MAP3K15: variants seen among roughly 807,000 people sequenced by gnomAD.
MAP3K15 encodes MAPK/ERK kinase kinase 15.
A neutral mutation model predicts 99.5 loss-of-function variants in MAP3K15; 124 were observed. That is an observed-to-expected ratio of 1.25 (90% CI 1.08 to 1.45). The LOEUF is 1.45. Ranked by LOEUF, MAP3K15 falls within the 40% of genes most tolerant of loss-of-function variation. The pLI is 0.00. For synonymous variants in MAP3K15, 494 were observed against 439.6 expected (o/e 1.12, Z -1.55); for missense variants, 1,242 against 1,079.7 (o/e 1.15, Z -2.11).
At chrX:19,511,700 A>C (rs1179200659) in intron 1 of MAP3K15, among the ~76,000 whole-genome samples, 1 of 112,227 alleles carries the variant, frequency 8.9e-6, no homozygotes, top group African/African-American at 3.2e-5. Context: ...AGAAATAGGA[A>C]TGCTTTTACA....
intron 1 of MAP3K15, among the ~76,000 whole-genome samples, chrX:19,503,470 G>A (rs1464088295): frequency 8.9e-6 from 1 of 111,939 alleles, no homozygotes; most frequent in African/African-American, 3.2e-5. Flanking sequence ...CTGTTGCTCA[G>A]GCTGGAATGC....
In MAP3K15 at chrX:19,380,695, T is replaced by A. The variant is rs746730328; in HGVS notation, c.2432-418A>T. Among the ~76,000 whole-genome samples the A allele has an allele frequency of 3.6e-5, 4 of 112,082 alleles. No homozygotes were observed. The East Asian group carries it at 1.1e-3, about 32-fold the overall frequency. On this transcript the variant is annotated intron_variant, in intron 18 of 28. Transcript: ENST00000338883. Reference sequence around the variant, plus strand: ...CACACACCACCATGCCCGGCTAATTTTTGTATTTTTAGTAGAGACGAGGTT... The same window carrying A: ...CACACACCACCATGCCCGGCTAATTATTGTATTTTTAGTAGAGACGAGGTT...
chrX:19,434,644 G>A (rs1420777232), intron 6 of MAP3K15, among the ~76,000 whole-genome samples: 6 of 111,379 alleles, frequency 5.4e-5, no homozygotes, highest in East Asian at 2.8e-4. Flanking sequence ...TTTCTCAACC[G>A]GGGTTCCATG....
At chrX:19,415,067 T>C (rs773898566) in intron 10 of MAP3K15, 40 bp downstream of exon 10, 12 of 1,087,366 alleles carry the variant, frequency 1.1e-5, no homozygotes, top group East Asian at 6.5e-5. Flanking sequence ...CCCTAGTTTT[T>C]TTCCTAATCT....
intron 6 of MAP3K15, among the ~76,000 whole-genome samples, chrX:19,436,102 C>G (rs139825016): frequency 9.4e-6 from 1 of 106,317 alleles, no homozygotes; most frequent in African/African-American, 3.5e-5. Flanking sequence ...TGCAGTGAAC[C>G]GAGATCGCAC....
chrX:19,484,716 T>C lies in MAP3K15; in HGVS notation c.525+1766A>G, dbSNP rs527386970. Among the ~76,000 whole-genome samples, 8 of 112,427 alleles carry C rather than the reference T, an allele frequency of 7.1e-5. No homozygotes were observed. In the South Asian group the frequency reaches 3.0e-3, roughly 41 times the overall value. ...TTGCTCCTTGCCTCAACGTAACTCT[T>C]GCTGTTTTAAGGAATCAGCATTTCA... On this transcript the variant is annotated intron_variant, in intron 3 of 28. Coordinates refer to ENST00000338883, the MANE Select transcript of MAP3K15 (RefSeq NM_001001671.4).
At chrX:19,365,377 G>A (rs1173056459) in intron 25 of MAP3K15, among the ~76,000 whole-genome samples, 2 of 112,236 alleles carry the variant, frequency 1.8e-5, no homozygotes, top group Non-Finnish European at 3.8e-5. Flanking sequence ...CAGTCTATCA[G>A]CATTCGATCA....
chrX:19,372,596 G>A (rs1032470165), intron 22 of MAP3K15, 57 bp downstream of exon 22: 81 of 1,120,656 alleles, frequency 7.2e-5, no homozygotes, highest in Middle Eastern at 2.8e-4. Flanking sequence ...CCTGTCTGGG[G>A]ACTGGGACCT....
intron 4 of MAP3K15, among the ~76,000 whole-genome samples, chrX:19,462,777 G>A (rs2064141085): frequency 8.9e-6 from 1 of 111,758 alleles, no homozygotes; most frequent in Admixed American, 9.5e-5. Context: ...CAGAGCTGGC[G>A]CTTGAGCTCA....
intron 1 of MAP3K15, among the ~76,000 whole-genome samples, chrX:19,499,805 A>T (rs182313894): frequency 7.8e-4 from 87 of 111,851 alleles, no homozygotes; most frequent in African/African-American, 2.7e-3. Flanking sequence ...ATTGAGGGAG[A>T]GGGGACATGA....
chrX:19,419,598 T>G (rs1234842436), intron 9 of MAP3K15, among the ~76,000 whole-genome samples: 3 of 111,112 alleles, frequency 2.7e-5, no homozygotes, highest in Non-Finnish European at 5.7e-5. Flanking sequence ...TGGGAGACTT[T>G]AACACCCCAC....
rs1325916588 is a variant in MAP3K15 at position 19,514,848 on chromosome X, C to G, written c.361+53G>C. 1.8e-5 allele frequency: 14 copies of G among 768,348 alleles called. No individual in the cohort carries two copies. The African/African-American group carries it at 2.9e-4, about 16-fold the overall frequency. 63.3% of individuals were successfully genotyped at this position (768,348 alleles called of 1,213,427 possible). ...CGAGGGGGCGGGGCGGGTGCCCTGG[C>G]TCGTGTGAGGGTAGGTGAACTGGGA... On this transcript the variant is annotated intron_variant, in intron 1 of 28. Coordinates refer to ENST00000338883, the MANE Select transcript of MAP3K15 (RefSeq NM_001001671.4).
At chrX:19,510,572 C>A (rs1268636446) in intron 1 of MAP3K15, among the ~76,000 whole-genome samples, 1 of 112,213 alleles carries the variant, frequency 8.9e-6, no homozygotes, top group Non-Finnish European at 1.9e-5. Flanking sequence ...TTAAAATAAA[C>A]CCATAGCCAA....
At chrX:19,481,474 TAA>T (rs1230176839) in intron 3 of MAP3K15, among the ~76,000 whole-genome samples, 2 of 111,468 alleles carry the variant, frequency 1.8e-5, no homozygotes, top group Non-Finnish European at 3.8e-5. Flanking sequence ...TGGTTTGGGC[TAA>T]GAGTTCACAG....
At chrX:19,479,430 G>A (rs765983171) in intron 3 of MAP3K15, among the ~76,000 whole-genome samples, 1 of 111,320 alleles carries the variant, frequency 9.0e-6, no homozygotes, top group East Asian at 2.8e-4. Flanking sequence ...CATCTCAGCT[G>A]CATGTCTCCC....
intron 10 of MAP3K15, among the ~76,000 whole-genome samples, 182 bp from the exon 11 acceptor site, chrX:19,413,646 T>C (rs1352445325): frequency 1.6e-5 from 1 of 64,267 alleles, no homozygotes; most frequent in Non-Finnish European, 2.6e-5. Context: ...AGCCCAGGAG[T>C]TCAAGGACAA....
At chrX:19,374,756 C>T in intron 19 of MAP3K15, 96 bp from the exon 20 acceptor site, 1 of 792,378 alleles carries the variant, frequency 1.3e-6, no homozygotes. Flanking sequence ...ACCTGACATC[C>T]CAGGACAGGC....
intron 6 of MAP3K15, among the ~76,000 whole-genome samples, chrX:19,433,797 A>C (rs1050641562): frequency 8.9e-6 from 1 of 112,408 alleles, no homozygotes; most frequent in Non-Finnish European, 1.9e-5. Flanking sequence ...AGAATCTGTA[A>C]TATGTACATC....
At chrX:19,364,396 C>T (rs980299770) in intron 25 of MAP3K15, among the ~76,000 whole-genome samples, 1 of 111,487 alleles carries the variant, frequency 9.0e-6, no homozygotes, top group Non-Finnish European at 1.9e-5. Context: ...AAACAGTGCC[C>T]CCAAATGGCC....
Sources: allele counts gnomAD v4.1 joint callset (sites outside exome capture counted in the v4.1 genomes callset), GRCh38; gene constraint gnomAD v4.1.1; transcripts MANE v1.5; gene names NCBI Gene and HGNC (gene_info 2026-07-23, HGNC 2026-07-21).